KCTD16: variants seen among roughly 807,000 people sequenced by gnomAD.
KCTD16 encodes potassium channel tetramerization domain containing 16.
KCTD16 carries 13 observed loss-of-function variants against 33.2 expected under a neutral mutation model. The ratio of observed to expected loss-of-function variants is 0.39; its 90% CI spans 0.25 to 0.62. The LOEUF (loss-of-function observed/expected upper bound fraction) is 0.62. Ranked by LOEUF, KCTD16 falls within the 20% of genes least tolerant of loss-of-function variation. KCTD16 has a pLI of 0.50. For synonymous variants in KCTD16, 197 were observed against 195.3 expected (o/e 1.01, Z -0.07); for missense variants, 441 against 525.1 (o/e 0.84, Z 1.57).
intron 3 of KCTD16, among the ~76,000 whole-genome samples, chr5:144,378,774 A>G (rs1373857258): frequency 6.6e-6 from 1 of 152,206 alleles, no homozygotes; most frequent in Admixed American, 6.6e-5. Context: ...ATTCAAGTAA[A>G]CAGCTAATGT....
At chr5:144,413,176 A>T (rs941036827) in intron 3 of KCTD16, among the ~76,000 whole-genome samples, 1 of 152,226 alleles carries the variant, frequency 6.6e-6, no homozygotes, top group Non-Finnish European at 1.5e-5. Flanking sequence ...TCATTAGGTT[A>T]AAATGAGGTC....
At chr5:144,447,447 A>G (rs1401668678) in intron 3 of KCTD16, among the ~76,000 whole-genome samples, 1 of 152,016 alleles carries the variant, frequency 6.6e-6, no homozygotes, top group Non-Finnish European at 1.5e-5. Context: ...TAGGAGAAAT[A>G]CCTACTGTAG....
At chr5:144,380,148 G>A (rs188270949) in intron 3 of KCTD16, among the ~76,000 whole-genome samples, 2 of 152,102 alleles carry the variant, frequency 1.3e-5, no homozygotes, top group Non-Finnish European at 2.9e-5. Context: ...AAAGTTTCAG[G>A]CTACAAAATA....
intron 3 of KCTD16, among the ~76,000 whole-genome samples, chr5:144,227,024 G>T (rs1753953181): frequency 6.6e-6 from 1 of 152,172 alleles, no homozygotes; most frequent in South Asian, 2.1e-4. Context: ...AGGCATTGAG[G>T]AGTCAGCACT....
chr5:144,244,629 A>G (rs910339062), intron 3 of KCTD16, among the ~76,000 whole-genome samples: 1 of 152,140 alleles, frequency 6.6e-6, no homozygotes, highest in Non-Finnish European at 1.5e-5. Context: ...AACCTCTTTA[A>G]CACATTAAAC....
At chr5:144,224,392 T>TG (rs1444694062) in intron 3 of KCTD16, among the ~76,000 whole-genome samples, 1 of 149,006 alleles carries the variant, frequency 6.7e-6, no homozygotes, top group Non-Finnish European at 1.5e-5. Context: ...TGTTTTTTTT[T>TG]TTTTTTTTTT....
intron 3 of KCTD16, among the ~76,000 whole-genome samples, chr5:144,437,490 G>C (rs1753605041): frequency 6.6e-6 from 1 of 152,102 alleles, no homozygotes. Flanking sequence ...TCACTCTGAG[G>C]ATTGAATGAG....
Position 144,473,706 on chromosome 5 carries a change from G to T in KCTD16, c.879G>T (p.Lys293Asn), listed in dbSNP as rs1023797281. ...CCTCACACTGCGATTGCTGCTGCAA[G>T]AATGGCAAAGGTGACAAAGAAGGGG... The part of the protein sequence containing the change: ...WSPSHCDCCC[K>N]NGKGDKEGES... Residue 293 changes from lysine (K) to asparagine (N), a missense_variant, in exon 4 of 4, where the codon AAG (lysine) becomes AAT (asparagine). This residue lies in a region of KCTD16 where 355 missense variants were observed against 413.0 expected (regional missense o/e 0.86). Transcript: ENST00000512467. The T allele has an allele frequency of 6.2e-7, 1 of 1,610,108 alleles. No individual in the cohort carries two copies. Among genetic ancestry groups the T allele is most frequent in the Non-Finnish European group, 8.5e-7 (1 of 1,176,800 alleles).
At chr5:144,171,291 G>T (rs1362158311) in intron 1 of KCTD16, among the ~76,000 whole-genome samples, 1 of 152,132 alleles carries the variant, frequency 6.6e-6, no homozygotes, top group Non-Finnish European at 1.5e-5. Flanking sequence ...CTATAAGAGG[G>T]TTATCAAAGG....
At chr5:144,245,745 T>C (rs1240732115) in intron 3 of KCTD16, among the ~76,000 whole-genome samples, 1 of 152,118 alleles carries the variant, frequency 6.6e-6, no homozygotes, top group Non-Finnish European at 1.5e-5. Flanking sequence ...AAGTGTGTAG[T>C]ACTTCCCCCT....
chr5:144,270,384 A>T (rs73312728), intron 3 of KCTD16, among the ~76,000 whole-genome samples: 2,820 of 152,050 alleles, frequency 0.019, 91 homozygotes, highest in African/African-American at 0.064. Context: ...TCAATGACAG[A>T]AGTAAAACTG....
intron 3 of KCTD16, among the ~76,000 whole-genome samples, chr5:144,410,793 C>G (rs1580941028): frequency 6.6e-6 from 1 of 152,178 alleles, no homozygotes; most frequent in African/African-American, 2.4e-5. Flanking sequence ...TATAAACGCA[C>G]AAAATAAGTT....
intron 3 of KCTD16, among the ~76,000 whole-genome samples, chr5:144,390,643 C>T (rs1752428232): frequency 6.6e-6 from 1 of 152,024 alleles, no homozygotes; most frequent in Non-Finnish European, 1.5e-5. Context: ...CTGTCATCTA[C>T]ATTAGGTATT....
intron 3 of KCTD16, among the ~76,000 whole-genome samples, chr5:144,256,169 C>T (rs1227431808): frequency 6.6e-6 from 1 of 152,190 alleles, no homozygotes; most frequent in East Asian, 1.9e-4. Flanking sequence ...TTAAACTAAA[C>T]TCCTTTCCTC....
At chr5:144,279,957 T>C (rs923700097) in intron 3 of KCTD16, among the ~76,000 whole-genome samples, 8 of 152,238 alleles carry the variant, frequency 5.3e-5, no homozygotes, top group African/African-American at 1.9e-4. Flanking sequence ...TGTATTAATA[T>C]GATGGATAAA....
At chr5:144,249,104 T>G (rs1189978809) in intron 3 of KCTD16, among the ~76,000 whole-genome samples, 1 of 152,180 alleles carries the variant, frequency 6.6e-6, no homozygotes, top group Non-Finnish European at 1.5e-5. Flanking sequence ...CTATATGTAT[T>G]ACTTGTCCAG....
intron 3 of KCTD16, among the ~76,000 whole-genome samples, chr5:144,367,060 C>T (rs1263193646): frequency 3.3e-5 from 5 of 152,208 alleles, no homozygotes; most frequent in African/African-American, 1.2e-4. Context: ...AGCCCAGAAT[C>T]AGGAGCCCAA....
chr5:144,336,559 A>T (rs971068080), intron 3 of KCTD16, among the ~76,000 whole-genome samples: 1 of 152,160 alleles, frequency 6.6e-6, no homozygotes, highest in African/African-American at 2.4e-5. Context: ...GTGATCATCA[A>T]TGCTATGCTC....
chr5:144,412,235 A>T (rs984299900), intron 3 of KCTD16, among the ~76,000 whole-genome samples: 1 of 152,232 alleles, frequency 6.6e-6, no homozygotes, highest in African/African-American at 2.4e-5. Flanking sequence ...TGTTTATTGC[A>T]GCACTACTCA....
Sources: allele counts gnomAD v4.1 joint callset (sites outside exome capture counted in the v4.1 genomes callset), GRCh38; gene constraint gnomAD v4.1.1; regional missense constraint gnomAD v4.1.1; transcripts MANE v1.5; gene names NCBI Gene and HGNC (gene_info 2026-07-23, HGNC 2026-07-21).